Variants in ACYP2 observed in about 807,000 individuals in gnomAD.
The protein encoded by ACYP2 is acylphosphatase 2, also known as acylphosphatase-2.
A neutral mutation model predicts 11.2 loss-of-function variants in ACYP2; 12 were observed. That is an observed-to-expected ratio of 1.08 (90% confidence interval 0.69 to 1.74). The LOEUF is 1.74. ACYP2 is among the 40% of genes most tolerant of loss of function. The pLI, the probability that ACYP2 is intolerant of heterozygous loss-of-function variation, is 0.00. For synonymous variants in ACYP2, 43 were observed against 32.2 expected (o/e 1.33, Z -1.13); for missense variants, 134 against 101.9 (o/e 1.31, Z -1.35).
chr2:54,088,943 G>A (rs896300967), intron 4 of ACYP2, among the ~76,000 whole-genome samples: 4 of 152,178 alleles, frequency 2.6e-5, no homozygotes, highest in African/African-American at 9.7e-5. Flanking sequence ...ACAATTGCAT[G>A]TTCAACAGAC....
At chr2:54,267,889 A>G (rs996659927) in intron 6 of ACYP2, among the ~76,000 whole-genome samples, 1 of 152,240 alleles carries the variant, frequency 6.6e-6, no homozygotes, top group Non-Finnish European at 1.5e-5. Flanking sequence ...ATAGATTTGA[A>G]ATATTGTGCT....
chr2:54,254,661 C>G (rs868573791), intron 6 of ACYP2: 2 of 460,952 alleles, frequency 4.3e-6, no homozygotes, highest in Non-Finnish European at 3.9e-6. Flanking sequence ...CAGCATCATT[C>G]GCTTCGCTTA....
At chr2:54,165,525 T>TCACACA (rs1466687579) in intron 6 of ACYP2, among the ~76,000 whole-genome samples, 9 of 135,316 alleles carry the variant, frequency 6.7e-5, no homozygotes, top group African/African-American at 2.7e-4. Context: ...ACTCTCTCTC[T>TCACACA]CTCTCTCTCT....
intron 6 of ACYP2, among the ~76,000 whole-genome samples, chr2:54,294,999 A>T (rs547641690): frequency 6.6e-6 from 1 of 152,240 alleles, no homozygotes; most frequent in Admixed American, 6.5e-5. Flanking sequence ...CTAAGAAAAC[A>T]TGTCTAAGGG....
intron 6 of ACYP2, chr2:54,254,788 A>G (rs937836983): frequency 5.8e-6 from 5 of 864,824 alleles, no homozygotes; most frequent in East Asian, 5.0e-5. Flanking sequence ...GAGAGAACGG[A>G]AAGTTTAAAC....
chr2:54,276,671 A>C (rs1454702039), intron 6 of ACYP2, among the ~76,000 whole-genome samples: 1 of 144,416 alleles, frequency 6.9e-6, no homozygotes, highest in Non-Finnish European at 1.5e-5. Flanking sequence ...ACCACACACA[A>C]GAAAAATTGT....
intron 5 of ACYP2, among the ~76,000 whole-genome samples, chr2:54,136,871 G>C (rs746949278): frequency 1.3e-5 from 2 of 152,188 alleles, no homozygotes; most frequent in African/African-American, 4.8e-5. Flanking sequence ...AGCTACTTGG[G>C]AGGCTGAGGC....
intron 4 of ACYP2, among the ~76,000 whole-genome samples, chr2:54,101,891 A>C (rs1046318632): frequency 6.6e-6 from 1 of 152,202 alleles, no homozygotes; most frequent in African/African-American, 2.4e-5. Context: ...GATTAGTGTG[A>C]TACATTTGTA....
intron 4 of ACYP2, among the ~76,000 whole-genome samples, chr2:54,128,170 A>G (rs55758931): frequency 0.019 from 2,890 of 152,318 alleles, 100 homozygotes; most frequent in African/African-American, 0.066. Context: ...GATGGTTTTG[A>G]AAGTGCCACA....
In ACYP2 at chr2:54,266,590, C is replaced by CTTTT. The variant is rs138812389; in HGVS notation, c.405-38068_405-38065dup. Among the ~76,000 whole-genome samples the CTTTT allele has an allele frequency of 1.7e-3, 87 of 52,274 alleles. 6 individuals are homozygous for CTTTT. Among genetic ancestry groups the CTTTT allele is most frequent in the African/African-American group, 3.4e-3 (45 of 13,214 alleles). 34.3% of individuals were successfully genotyped at this position (52,274 alleles called of 152,430 possible). A position where few individuals can be genotyped will look rare whatever the true frequency, so the allele number is the denominator to read the frequency against. On this transcript the variant is annotated intron_variant, in intron 6 of 6. Coordinates refer to ENST00000607452, the MANE Select transcript of ACYP2 (RefSeq NM_001320586.2). Reference sequence around the variant, plus strand: ...TAGATAGATATAGATATCTATCTATCTTTTTTTTTTTTTTTTTTTTTTTTT... The same window carrying CTTTT: ...TAGATAGATATAGATATCTATCTATCTTTTTTTTTTTTTTTTTTTTTTTTTTTTT...
intron 4 of ACYP2, among the ~76,000 whole-genome samples, chr2:54,103,699 T>C (rs904195656): frequency 2.0e-5 from 3 of 152,234 alleles, no homozygotes; most frequent in African/African-American, 7.2e-5. Context: ...GACTATGAAA[T>C]ATGATTTATT....
chr2:54,083,877 G>C (rs1677802658), intron 4 of ACYP2, among the ~76,000 whole-genome samples: 1 of 152,138 alleles, frequency 6.6e-6, no homozygotes, highest in South Asian at 2.1e-4. Context: ...GTAGTCTGAT[G>C]CTTGTACAGT....
At chr2:53,975,146 A>C (rs1373606104) in intron 2 of ACYP2, 1 of 381,702 alleles carries the variant, frequency 2.6e-6, no homozygotes, top group Admixed American at 4.6e-5. Flanking sequence ...AATTGCTTGA[A>C]CCCGGGAGGC....
At chr2:54,141,584 C>T (rs892177163) in intron 6 of ACYP2, among the ~76,000 whole-genome samples, 1 of 152,118 alleles carries the variant, frequency 6.6e-6, no homozygotes. Flanking sequence ...GATTTTATTT[C>T]TGAATTCTCT....
At chr2:54,287,554 A>T (rs1013737393) in intron 6 of ACYP2, among the ~76,000 whole-genome samples, 1 of 151,992 alleles carries the variant, frequency 6.6e-6, no homozygotes, top group Non-Finnish European at 1.5e-5. Flanking sequence ...AGGTTAGAGC[A>T]GGCAGTACAG....
chr2:54,282,736 GT>G (rs917726572), intron 6 of ACYP2, among the ~76,000 whole-genome samples: 8 of 149,874 alleles, frequency 5.3e-5, no homozygotes, highest in Non-Finnish European at 8.9e-5. Context: ...TTGTTTGGAA[GT>G]TTTTTTTTTC....
intron 4 of ACYP2, 150 bp from the exon 1 acceptor site, chr2:54,115,465 A>C: frequency 8.9e-7 from 1 of 1,121,728 alleles, no homozygotes; most frequent in Admixed American, 3.0e-5. Context: ...GAGGCCTAGG[A>C]TGCCTGGGGC....
chr2:54,195,716 A>T (rs77116002), intron 6 of ACYP2, among the ~76,000 whole-genome samples: 2,380 of 148,538 alleles, frequency 0.016, 22 homozygotes, highest in Non-Finnish European at 0.024. Context: ...TTATTCAGTG[A>T]CATGTGCTTC....
At chr2:54,140,024 GT>G (rs1253233688) in intron 6 of ACYP2, among the ~76,000 whole-genome samples, 6 of 152,062 alleles carry the variant, frequency 3.9e-5, no homozygotes, top group African/African-American at 1.4e-4. Flanking sequence ...AATTTTAAAT[GT>G]TTACGTGCAT....
Sources: allele counts gnomAD v4.1 joint callset (sites outside exome capture counted in the v4.1 genomes callset), GRCh38; gene constraint gnomAD v4.1.1; transcripts MANE v1.5; gene names NCBI Gene and HGNC (gene_info 2026-07-23, HGNC 2026-07-21).